Variants in FAM114A1 observed in about 807,000 individuals in gnomAD.
FAM114A1 encodes protein NOXP20.
FAM114A1 carries 62 observed loss-of-function variants against 64.3 expected under a neutral mutation model. The observed-to-expected ratio is 0.96, with a 90% CI of 0.79 to 1.19. The LOEUF is 1.19. FAM114A1 is among the 50% of genes most tolerant of loss of function. The probability of loss-of-function intolerance (pLI) is 0.00; values close to 1 mark genes in which losing one functional copy is unlikely to be tolerated. For synonymous variants in FAM114A1, 254 were observed against 251.1 expected (o/e 1.01, Z -0.11); for missense variants, 645 against 676.3 (o/e 0.95, Z 0.51).
At chr4:38,914,803 G>T in intron 7 of FAM114A1, 118 bp from the exon 8 acceptor site, 1 of 1,125,018 alleles carries the variant, frequency 8.9e-7, no homozygotes, top group South Asian at 1.9e-5. Flanking sequence ...ATTCTAAAGT[G>T]ACCAGAATCT....
chr4:38,916,992 A>G (rs1182525041), intron 8 of FAM114A1, among the ~76,000 whole-genome samples: 1 of 152,034 alleles, frequency 6.6e-6, no homozygotes, highest in Admixed American at 6.6e-5. Flanking sequence ...CCAATAGTCC[A>G]GTAAGATGTG....
At chr4:38,913,234 G>A (rs564564995) in intron 7 of FAM114A1, among the ~76,000 whole-genome samples, 1 of 152,112 alleles carries the variant, frequency 6.6e-6, no homozygotes, top group Admixed American at 6.5e-5. Flanking sequence ...AATCAAAAAC[G>A]CAAGTGCAGA....
intron 7 of FAM114A1, among the ~76,000 whole-genome samples, chr4:38,914,294 G>T (rs948123722): frequency 6.6e-6 from 1 of 152,130 alleles, no homozygotes; most frequent in African/African-American, 2.4e-5. Flanking sequence ...GCCGGGTGCA[G>T]TGGCTCACAC....
At chr4:38,929,356 T>G (rs750337870) in intron 10 of FAM114A1, 23 bp downstream of exon 10, 1 of 1,570,296 alleles carries the variant, frequency 6.4e-7, no homozygotes, top group East Asian at 2.3e-5. Context: ...TGATTTATAG[T>G]TTCTGGTTAA....
chr4:38,934,828 A>G (rs183934295), intron 12 of FAM114A1, among the ~76,000 whole-genome samples: 5 of 152,326 alleles, frequency 3.3e-5, no homozygotes, highest in African/African-American at 7.2e-5. Context: ...TTTGAATCAT[A>G]TAATAAAAAC....
intron 4 of FAM114A1, among the ~76,000 whole-genome samples, chr4:38,897,320 A>G (rs987837332): frequency 1.3e-5 from 2 of 152,222 alleles, no homozygotes; most frequent in Admixed American, 6.5e-5. Flanking sequence ...TCCTGTGTCT[A>G]TGCATAGAAG....
chr4:38,876,325 A>G (rs914090871), intron 2 of FAM114A1, among the ~76,000 whole-genome samples: 3 of 151,982 alleles, frequency 2.0e-5, no homozygotes, highest in African/African-American at 7.3e-5. Context: ...GCATGCCACC[A>G]TGCCCAGCTA....
At chr4:38,928,717 C>A (rs1720363378) in intron 9 of FAM114A1, among the ~76,000 whole-genome samples, 1 of 152,134 alleles carries the variant, frequency 6.6e-6, no homozygotes, top group African/African-American at 2.4e-5. Flanking sequence ...CCTAGGGAAC[C>A]TTGGGAAATT....
At chr4:38,915,178 C>T in intron 8 of FAM114A1, 105 bp downstream of exon 8, 1 of 1,409,574 alleles carries the variant, frequency 7.1e-7, no homozygotes, top group Non-Finnish European at 9.7e-7. Flanking sequence ...TTTAGAGCCT[C>T]ATTATTATTG....
intron 13 of FAM114A1, among the ~76,000 whole-genome samples, chr4:38,937,054 A>G (rs1419857458): frequency 6.6e-6 from 1 of 152,210 alleles, no homozygotes; most frequent in Non-Finnish European, 1.5e-5. Context: ...GAAAAGTGGA[A>G]AATATTCCCT....
intron 3 of FAM114A1, among the ~76,000 whole-genome samples, chr4:38,880,969 G>A (rs941579540): frequency 6.6e-6 from 1 of 152,172 alleles, no homozygotes; most frequent in Non-Finnish European, 1.5e-5. Context: ...TGGATCACTT[G>A]AGGTCAGGAG....
chr4:38,927,260 A>G (rs1346905426), intron 9 of FAM114A1, among the ~76,000 whole-genome samples: 10 of 152,182 alleles, frequency 6.6e-5, no homozygotes, highest in African/African-American at 4.8e-5. Flanking sequence ...ACCATAGACT[A>G]TGTGGCTTAT....
intron 12 of FAM114A1, among the ~76,000 whole-genome samples, chr4:38,933,905 G>A (rs1229279476): frequency 6.6e-6 from 1 of 152,130 alleles, no homozygotes; most frequent in African/African-American, 2.4e-5. Flanking sequence ...TTAGTGGAAA[G>A]ATCTTCCAAA....
At chr4:38,912,596 C>A (rs1395926133) in intron 7 of FAM114A1, among the ~76,000 whole-genome samples, 2 of 152,132 alleles carry the variant, frequency 1.3e-5, no homozygotes, top group Non-Finnish European at 1.5e-5. Context: ...ATTGGCCAGG[C>A]TGGTCTTGAA....
intron 9 of FAM114A1, among the ~76,000 whole-genome samples, chr4:38,925,404 T>C (rs1720012032): frequency 6.6e-6 from 1 of 152,188 alleles, no homozygotes; most frequent in South Asian, 2.1e-4. Flanking sequence ...GCAAAAGCTG[T>C]CGTAAGGAAT....
chr4:38,939,417 C>A (rs1185441127), intron 13 of FAM114A1, among the ~76,000 whole-genome samples: 1 of 152,180 alleles, frequency 6.6e-6, no homozygotes, highest in East Asian at 1.9e-4. Context: ...TCTCTAGACT[C>A]TATTTAAATT....
In FAM114A1 at chr4:38,905,769, A is replaced by G. The variant is rs1420518593; in HGVS notation, c.565A>G (p.Thr189Ala). 2 of 1,612,972 alleles carry G rather than the reference A, an allele frequency of 1.2e-6. No individual in the cohort carries two copies. The highest frequency in any genetic ancestry group is 1.1e-5 in the South Asian group (1 of 90,930). The stretch of plus-strand genomic sequence containing the variant: ...TTTCTCTTTAGTAACAGATGCAGCC[A>G]CAGATCAGGGCCCTGCAGAAAGCCC... Reference protein sequence around the residue: ...NGVPEITDAATDQGPAESPPT... With the variant: ...NGVPEITDAAADQGPAESPPT... The change falls in exon 6 of 15, where the codon ACA becomes GCA. Residue 189 changes from threonine to alanine, a missense_variant. Coordinates refer to ENST00000358869, the MANE Select transcript of FAM114A1 (RefSeq NM_138389.4).
intron 12 of FAM114A1, among the ~76,000 whole-genome samples, chr4:38,933,746 C>G (rs1460238940): frequency 6.6e-6 from 1 of 151,978 alleles, no homozygotes; most frequent in Admixed American, 6.6e-5. Flanking sequence ...GCCTAAGTAC[C>G]CTCGTATTAT....
chr4:38,927,866 T>C (rs1720276294), intron 9 of FAM114A1, among the ~76,000 whole-genome samples: 1 of 152,146 alleles, frequency 6.6e-6, no homozygotes, highest in South Asian at 2.1e-4. Context: ...GTATTTTTAG[T>C]AGAGACGGGG....
Sources: gnomAD v4.1 joint callset for allele counts (sites outside exome capture counted in the v4.1 genomes callset) on GRCh38, gnomAD v4.1.1 for gene constraint, MANE v1.5 for transcripts, NCBI Gene and HGNC (gene_info 2026-07-23, HGNC 2026-07-21) for gene names.